The following COL8A2 variants were observed in gnomAD, a reference collection of about 807,000 sequenced individuals.
COL8A2 encodes collagen type VIII alpha 2 chain.
In COL8A2, 16 loss-of-function variants were observed where a neutral mutation model predicts 24.0. The ratio of observed to expected loss-of-function variants is 0.67; its 90% CI spans 0.45 to 1.01. The LOEUF is 1.01. COL8A2 is among the 50% of genes least tolerant of loss of function. COL8A2 has a pLI of 0.00. For missense variants in COL8A2, 818 were observed against 942.4 expected (o/e 0.87, Z 1.73); for synonymous variants, 466 against 424.5 (o/e 1.10, Z -1.20).
At position 36,098,906 on chromosome 1, in the gene COL8A2, C is replaced by T; in HGVS notation, c.775G>A (p.Val259Ile). Residue 259 changes from valine to isoleucine, a missense_variant, in exon 4 of 4, where the codon GTT (valine) becomes ATT (isoleucine). Coordinates refer to ENST00000397799, the MANE Select transcript of COL8A2 (RefSeq NM_005202.4). ...GDKGESGPPGVPGPRGEPGAV... is the reference protein window; with the variant it reads ...GDKGESGPPGIPGPRGEPGAV... ...CCTGGCTCCCCCCTGGGGCCTGGAA[C>T]TCCAGGAGGCCCAGACTCACCCTTG... 1 of 1,611,474 alleles carries T rather than the reference C, an allele frequency of 6.2e-7. No individual in the cohort carries two copies. Among genetic ancestry groups the T allele is most frequent in the Non-Finnish European group, 8.5e-7 (1 of 1,179,292 alleles).
chr1:36,098,754 C>T lies in COL8A2; in HGVS notation c.927G>A (p.Leu309=). Residue 309 remains leucine, a synonymous_variant, in exon 4 of 4, where the codon CTG becomes CTA. Coordinates refer to ENST00000397799, the MANE Select transcript of COL8A2 (RefSeq NM_005202.4). ...GEPGTRGPPG[L]IGPTGYGMPG... ...GCATCCCATAGCCAGTGGGGCCTAT[C>T]AGCCCAGGGGGGCCCCGGGTCCCTG... is the stretch of plus-strand genomic sequence containing the variant. 1 of 1,611,516 alleles carries T rather than the reference C, an allele frequency of 6.2e-7. No homozygotes were observed. The highest frequency in any genetic ancestry group is 8.5e-7 in the Non-Finnish European group (1 of 1,179,486).
chr1:36,103,016 C>G (rs1371189246), intron 2 of COL8A2, among the ~76,000 whole-genome samples: 1 of 152,152 alleles, frequency 6.6e-6, no homozygotes, highest in Non-Finnish European at 1.5e-5. Flanking sequence ...CAGTGTCACT[C>G]TGTTGCCCAG....
intron 2 of COL8A2, among the ~76,000 whole-genome samples, chr1:36,112,293 G>A (rs753687756): frequency 5.9e-5 from 9 of 152,002 alleles, no homozygotes; most frequent in Non-Finnish European, 1.0e-4. Context: ...CTGAGCCACC[G>A]CGCCCGGCCT....
rs961674103 is a variant in COL8A2 at position 36,097,711 on chromosome 1, T to C, written c.1970A>G (p.Asp657Gly). The change falls in exon 4 of 4, where the codon GAC becomes GGC. Residue 657 changes from aspartate to glycine, a missense_variant. Physicochemically the swap from Asp to Gly is moderately conservative, Grantham distance 94. Transcript: ENST00000397799. ...TYDEYKKGYL[D>G]QASGGAVLQL... is the part of the protein sequence containing the mutation. ...GAGCACGGCCCCACCAGATGCCTGG[T>C]CCAGGTAGCCCTTCTTGTACTCATC... 6.2e-7 allele frequency: 1 copy of C among 1,605,266 alleles called. No homozygotes were observed. Among genetic ancestry groups the C allele is most frequent in the Non-Finnish European group, 8.5e-7 (1 of 1,175,490 alleles).
At position 36,097,984 on chromosome 1, in the gene COL8A2, A is replaced by G; in HGVS notation, c.1697T>C (p.Leu566Pro). ...TGTGGCATGGGCAGACAGCTCGCCCAGCCCAAACTGTGGCTTGCCCCCCTT... is the reference window on the plus strand; with the variant it reads ...TGTGGCATGGGCAGACAGCTCGCCCGGCCCAAACTGTGGCTTGCCCCCCTT... ...LGKGGKPQFG[L>P]GELSAHATPA... is the part of the protein sequence containing the mutation. Residue 566 changes from leucine to proline, a missense_variant, in exon 4 of 4, where the codon CTG (leucine) becomes CCG (proline). This residue lies in a region of COL8A2 where 235 missense variants were observed against 297.3 expected (regional missense o/e 0.79). Transcript: ENST00000397799. 1 of 1,605,498 alleles carries G rather than the reference A, an allele frequency of 6.2e-7. No homozygotes were observed. The highest frequency in any genetic ancestry group is 8.5e-7 in the Non-Finnish European group (1 of 1,178,496).
chr1:36,120,199 T>C (rs1643900375), intron 1 of COL8A2, among the ~76,000 whole-genome samples: 1 of 152,174 alleles, frequency 6.6e-6, no homozygotes, highest in South Asian at 2.1e-4. Context: ...ACAATTGAGA[T>C]TCCATTCCTT....
Position 36,099,006 on chromosome 1 carries a change from G to A in COL8A2, c.675C>T (p.Pro225=), listed in dbSNP as rs376838244. 2.9e-5 allele frequency: 45 copies of A among 1,568,910 alleles called. No individual in the cohort carries two copies. Among genetic ancestry groups the A allele is most frequent in the Admixed American group, 1.1e-4 (6 of 55,752 alleles). Residue 225 remains proline (P), a synonymous_variant, in exon 4 of 4, where the codon CCC becomes CCT. Coordinates refer to ENST00000397799, the MANE Select transcript of COL8A2 (RefSeq NM_005202.4). ...LPGAPGQGGA[P]GPPGLPGPAG... ...CTGGACCAGGGAGGCCGGGGGGGCC[G>A]GGGGCACCCCCCTGCCCTGGGGCCC...
Position 36,098,378 on chromosome 1 carries a change from G to A in COL8A2, c.1303C>T (p.Pro435Ser), listed in dbSNP as rs1477754335. ...GCTCCTGCCACCCCTGGTCCTCCAG[G>A]GCGACCCGTGAAACCCGGCTCACCC... is the stretch of plus-strand genomic sequence containing the variant. ...PKGEPGFTGR[P>S]GGPGVAGALG... The change falls in exon 4 of 4, where the codon CCT becomes TCT. Residue 435 changes from proline to serine, a missense_variant. By Grantham distance (74) the Pro-to-Ser change is moderately conservative. Transcript: ENST00000397799. 2 of 1,556,144 alleles carry A rather than the reference G, an allele frequency of 1.3e-6. No individual in the cohort carries two copies. The highest frequency in any genetic ancestry group is 2.4e-5 in the East Asian group (1 of 41,280).
At chr1:36,112,027 G>C (rs571777750) in intron 2 of COL8A2, among the ~76,000 whole-genome samples, 1 of 151,884 alleles carries the variant, frequency 6.6e-6, no homozygotes, top group Non-Finnish European at 1.5e-5. Flanking sequence ...TTTTTTAGAC[G>C]GAGTCTCGCT....
chr1:36,098,458 G>T lies in COL8A2; in HGVS notation c.1223C>A (p.Pro408Gln). The T allele has an allele frequency of 6.3e-7, 1 of 1,577,626 alleles. No individual in the cohort carries two copies. Among genetic ancestry groups the T allele is most frequent in the Non-Finnish European group, 8.6e-7 (1 of 1,162,160 alleles). Residue 408 changes from proline to glutamine, a missense_variant, in exon 4 of 4, where the codon CCA becomes CAA. Physicochemically the swap from Pro to Gln is moderately conservative, Grantham distance 76. This residue lies in a region of COL8A2 where 573 missense variants were observed against 616.8 expected (regional missense o/e 0.93). Transcript: ENST00000397799. ...GGCCCCAGGAAGTCCCCTCTCACCT[G>T]GGACCCCTGGTTTCCCAGCCAGGCC... ...PSGLAGKPGV[P>Q]GERGLPGAHG...
At position 36,098,660 on chromosome 1, in the gene COL8A2, C is replaced by T. The variant is rs910373367; in HGVS notation, c.1021G>A (p.Glu341Lys). The change falls in exon 4 of 4, where the codon GAG becomes AAG. Residue 341 changes from glutamate (E) to lysine (K), a missense_variant. Physicochemically the swap from Glu to Lys is moderately conservative, Grantham distance 56. This residue lies in a region of COL8A2 where 573 missense variants were observed against 616.8 expected (regional missense o/e 0.93). Coordinates refer to ENST00000397799, the MANE Select transcript of COL8A2 (RefSeq NM_005202.4). Reference protein sequence around the residue: ...GVPGLLGDRGEPGEDGEPGEQ... With the variant: ...GVPGLLGDRGKPGEDGEPGEQ... Reference sequence around the variant, plus strand: ...CCTGGCTCCCCATCCTCCCCTGGCTCACCCCTGTCCCCCAAGAGTCCTGGG... The same window carrying T: ...CCTGGCTCCCCATCCTCCCCTGGCTTACCCCTGTCCCCCAAGAGTCCTGGG... 6.2e-7 allele frequency: 1 copy of T among 1,610,492 alleles called. No individual in the cohort carries two copies. Among genetic ancestry groups the T allele is most frequent in the Admixed American group, 1.7e-5 (1 of 59,964 alleles).
In COL8A2 at chr1:36,095,925, AGAAGT is replaced by A. The variant is rs1233882694; in HGVS notation, c.*1639_*1643del. The A allele has an allele frequency of 6.6e-6, 1 of 152,218 alleles. No individual in the cohort carries two copies. Among genetic ancestry groups the A allele is most frequent in the Non-Finnish European group, 1.5e-5 (1 of 68,040 alleles). The allele number at this position is 152,218 out of a possible 1,614,324, so 9.4% of individuals were successfully genotyped here. On this transcript the variant is annotated 3_prime_UTR_variant, in exon 4 of 4. Transcript: ENST00000397799. ...TTTGGGTTATCATTCCTCCTTTTGA[AGAAGT>A]GAGCAAACAGCCTGCTTTGTTTGGA...
Position 36,098,172 on chromosome 1 carries a change from A to C in COL8A2, c.1509T>G (p.Ala503=). The C allele has an allele frequency of 6.6e-7, 1 of 1,510,414 alleles. No individual in the cohort carries two copies. 93.6% of individuals were successfully genotyped at this position (1,510,414 alleles called of 1,614,324 possible). The stretch of plus-strand genomic sequence containing the variant: ...GGACCCCTGGGGGCCCCGTGGGCCC[A>C]GCCGTGCCAGGTTCCCCTGCTCTCC... ...GEGRAGEPGT[A]GPTGPPGVPG... is the part of the protein sequence containing the mutation. The change falls in exon 4 of 4, where the codon GCT becomes GCG. Residue 503 remains alanine (A), a synonymous_variant. Coordinates refer to ENST00000397799, the MANE Select transcript of COL8A2 (RefSeq NM_005202.4).
chr1:36,119,025 T>C (rs181410224), intron 1 of COL8A2, among the ~76,000 whole-genome samples: 205 of 152,264 alleles, frequency 1.3e-3, no homozygotes, highest in African/African-American at 4.7e-3. Flanking sequence ...ACTCCAGGCA[T>C]TATTTACTCC....
chr1:36,097,226 G>A lies in COL8A2; in HGVS notation c.*343C>T, dbSNP rs1643581364. On this transcript the variant is annotated 3_prime_UTR_variant, in exon 4 of 4. Transcript: ENST00000397799. The stretch of plus-strand genomic sequence containing the variant: ...GTGCCATCAGGGAGCCAGTGGGAAG[G>A]GCTGTCTCCCCACGTGGCGGGGTGG... 4.0e-6 allele frequency: 1 copy of A among 247,124 alleles called. No individual in the cohort carries two copies. The highest frequency in any genetic ancestry group is 2.2e-5 in the African/African-American group (1 of 45,174). The allele number at this position is 247,124 out of a possible 1,614,324, so 15.3% of individuals were successfully genotyped here. A position where few individuals can be genotyped will look rare whatever the true frequency, so the allele number is the denominator to read the frequency against.
chr1:36,121,843 C>T (rs1465489756), intron 1 of COL8A2, among the ~76,000 whole-genome samples: 1 of 152,196 alleles, frequency 6.6e-6, no homozygotes, highest in Non-Finnish European at 1.5e-5. Flanking sequence ...TGTTTCGATT[C>T]TGCCTCTGGC....
chr1:36,105,821 G>A (rs756459602), intron 2 of COL8A2, among the ~76,000 whole-genome samples: 6 of 151,748 alleles, frequency 4.0e-5, no homozygotes, highest in Non-Finnish European at 7.4e-5. Flanking sequence ...TGGTGGCGCG[G>A]GTCTGTAGTC....
Position 36,105,189 on chromosome 1 carries a change from C to G in COL8A2, c.-16-4931G>C, listed in dbSNP as rs1198550419. The stretch of plus-strand genomic sequence containing the variant: ...TTAATGCAGGGCTCCAGAGAAGATC[C>G]ATGGACCTGTCAGCTCTCATGTTCG... On this transcript the variant is annotated intron_variant, in intron 2 of 3. Coordinates refer to ENST00000397799, the MANE Select transcript of COL8A2 (RefSeq NM_005202.4). Among the ~76,000 whole-genome samples the G allele has an allele frequency of 3.3e-5, 5 of 152,144 alleles. No individual in the cohort carries two copies. The East Asian group carries it at 9.6e-4, about 29-fold the overall frequency.
chr1:36,111,629 C>T (rs1258379268), intron 2 of COL8A2, among the ~76,000 whole-genome samples: 1 of 152,020 alleles, frequency 6.6e-6, no homozygotes, highest in Non-Finnish European at 1.5e-5. Context: ...CAGCTCACTG[C>T]AGCTTCAGAC....
Sources: gnomAD v4.1 joint callset for allele counts (sites outside exome capture counted in the v4.1 genomes callset) on GRCh38, gnomAD v4.1.1 for gene constraint, gnomAD v4.1.1 regional missense constraint, MANE v1.5 for transcripts, NCBI Gene and HGNC (gene_info 2026-07-23, HGNC 2026-07-21) for gene names.